Variants in PANK1 observed in about 807,000 individuals in gnomAD.
The protein encoded by PANK1 is pantothenic acid kinase 1.
In PANK1, 18 loss-of-function variants were observed where a neutral mutation model predicts 40.1. The ratio of observed to expected loss-of-function variants is 0.45; its 90% CI spans 0.31 to 0.67. The LOEUF is 0.67. Among genes scored for constraint, PANK1 ranks in the 30% least tolerant of loss-of-function variants. The pLI, the probability that PANK1 is intolerant of heterozygous loss-of-function variation, is 0.06. For synonymous variants in PANK1, 242 were observed against 237.7 expected (o/e 1.02, Z -0.17); for missense variants, 457 against 599.6 (o/e 0.76, Z 2.48).
intron 5 of PANK1, chr10:89,592,764 C>T (rs769058331): frequency 1.9e-6 from 1 of 535,362 alleles, no homozygotes; most frequent in Non-Finnish European, 3.8e-6. Flanking sequence ...TTTGATAGCC[C>T]TGTACAATGC....
At chr10:89,592,623 A>G (rs574527549) in intron 5 of PANK1, 22 of 463,556 alleles carry the variant, frequency 4.7e-5, no homozygotes, top group Non-Finnish European at 9.7e-5. Context: ...TATTTCAGAA[A>G]AGGTTCAATT....
At chr10:89,635,858 A>G (rs951301788) in intron 1 of PANK1, among the ~76,000 whole-genome samples, 1 of 152,250 alleles carries the variant, frequency 6.6e-6, no homozygotes, top group South Asian at 2.1e-4. Flanking sequence ...AGAAAGGGAT[A>G]GTCTTAAGTC....
chr10:89,640,135 TAG>T (rs1841929023), intron 1 of PANK1, among the ~76,000 whole-genome samples: 2 of 152,174 alleles, frequency 1.3e-5, no homozygotes, highest in Non-Finnish European at 2.9e-5. Flanking sequence ...ATCTTTAAAA[TAG>T]AGAGTAGGAG....
At chr10:89,595,318 G>A (rs1844528654) in intron 3 of PANK1, among the ~76,000 whole-genome samples, 2 of 151,894 alleles carry the variant, frequency 1.3e-5, no homozygotes, top group African/African-American at 4.8e-5. Flanking sequence ...AGGTGTGGTG[G>A]CTGACACCTG....
At chr10:89,598,073 AT>A (rs1564621222) in intron 3 of PANK1, among the ~76,000 whole-genome samples, 2 of 152,102 alleles carry the variant, frequency 1.3e-5, no homozygotes, top group African/African-American at 2.4e-5. Context: ...AGGCTCAATA[AT>A]TTTTTGTTAC....
Position 89,635,139 on chromosome 10 carries a change from T to TA in PANK1, c.292+9460dup, listed in dbSNP as rs1342659796. Among the ~76,000 whole-genome samples the TA allele has an allele frequency of 2.7e-5, 4 of 148,556 alleles. No individual in the cohort carries two copies. In the Admixed American group the frequency reaches 2.7e-4, roughly 10 times the overall value. On this transcript the variant is annotated intron_variant, in intron 1 of 6. Transcript: ENST00000307534. Reference sequence around the variant, plus strand: ...TGATCATTTAGCAAATATATATATATATATAGAGAGAGAGAGAGATAAAAT... The same window carrying TA: ...TGATCATTTAGCAAATATATATATATAATATAGAGAGAGAGAGAGATAAAAT...
chr10:89,642,785 C>A (rs1359623), intron 1 of PANK1, among the ~76,000 whole-genome samples: 90,699 of 152,090 alleles, frequency 0.6, 27,926 homozygotes, highest in East Asian at 0.92. Flanking sequence ...TTATTTCAGA[C>A]ATGATTGTTC....
chr10:89,602,646 C>G (rs143126380), intron 2 of PANK1, among the ~76,000 whole-genome samples: 69 of 152,270 alleles, frequency 4.5e-4, no homozygotes, highest in Non-Finnish European at 8.4e-4. Flanking sequence ...GTGAGAAACA[C>G]TCTTTCTCGG....
At chr10:89,630,499 G>T (rs11185821) in intron 1 of PANK1, among the ~76,000 whole-genome samples, 6,461 of 71,060 alleles carry the variant, frequency 0.091, 473 homozygotes, top group East Asian at 0.51. Context: ...CAGTTTTTTT[G>T]TTTTTTTTTT....
intron 1 of PANK1, among the ~76,000 whole-genome samples, chr10:89,617,732 A>G (rs528904767): frequency 6.6e-6 from 1 of 152,372 alleles, no homozygotes; most frequent in Admixed American, 6.5e-5. Context: ...CCATTAATAA[A>G]TAAAGGCATG....
intron 2 of PANK1, 129 bp from the exon 3 acceptor site, chr10:89,599,634 T>A: frequency 1.1e-6 from 1 of 911,406 alleles, no homozygotes; most frequent in Non-Finnish European, 1.7e-6. Context: ...AAACAAGTTG[T>A]AAAATCTTGC....
chr10:89,611,782 C>G lies in PANK1; in HGVS notation c.559G>C (p.Gly187Arg). The G allele has an allele frequency of 6.2e-7, 1 of 1,614,162 alleles. No homozygotes were observed. ...SCAMHRFIQM[G>R]SEKNFSSLHT... The stretch of plus-strand genomic sequence containing the variant: ...AGGCTAGAGAAGTTCTTCTCGCTGC[C>G]CATCTGAATGAACCTGTGCATAGCA... Residue 187 changes from glycine to arginine, a missense_variant, in exon 2 of 7, where the codon GGC becomes CGC. Transcript: ENST00000307534.
In PANK1 at chr10:89,612,034, C is replaced by CA; in HGVS notation, c.306dup (p.Gly103TrpfsTer10). ...ACCAGCGTTCCACCGATGTCCATGCCAAACCATGGGAATGCTAAAGGACAG... is the reference window on the plus strand; with the variant it reads ...ACCAGCGTTCCACCGATGTCCATGCCAAAACCATGGGAATGCTAAAGGACAG... On this transcript the variant is annotated frameshift_variant, in exon 2 of 7. Transcript: ENST00000307534. LOFTEE classifies it high-confidence loss of function. 6.2e-7 allele frequency: 1 copy of CA among 1,612,914 alleles called. No individual in the cohort carries two copies. The highest frequency in any genetic ancestry group is 8.5e-7 in the Non-Finnish European group (1 of 1,179,502).
chr10:89,631,881 T>C (rs1841655132), intron 1 of PANK1, among the ~76,000 whole-genome samples: 1 of 152,196 alleles, frequency 6.6e-6, no homozygotes, highest in Admixed American at 6.5e-5. Flanking sequence ...ACTGAATTTA[T>C]CTAATTGTGC....
intron 6 of PANK1, among the ~76,000 whole-genome samples, chr10:89,584,778 T>C (rs967258049): frequency 3.9e-5 from 6 of 152,202 alleles, no homozygotes; most frequent in Non-Finnish European, 5.9e-5. Flanking sequence ...ATTTCACATA[T>C]GAGAAATGGA....
At chr10:89,637,010 C>A (rs1352415129) in intron 1 of PANK1, among the ~76,000 whole-genome samples, 1 of 150,442 alleles carries the variant, frequency 6.6e-6, no homozygotes, top group African/African-American at 2.5e-5. Context: ...TACAGGCGCC[C>A]GCCACCACGC....
At chr10:89,625,045 TG>T (rs1176194948) in intron 1 of PANK1, among the ~76,000 whole-genome samples, 14 of 152,144 alleles carry the variant, frequency 9.2e-5, no homozygotes, top group Admixed American at 9.2e-4. Flanking sequence ...ACTATAAGTG[TG>T]CACTCTACCA....
chr10:89,609,886 C>T (rs1340342697), intron 2 of PANK1, among the ~76,000 whole-genome samples: 1 of 152,098 alleles, frequency 6.6e-6, no homozygotes, highest in Non-Finnish European at 1.5e-5. Context: ...TATACGTTAC[C>T]CCAGGGGAGA....
chr10:89,642,576 C>T (rs996238526), intron 1 of PANK1, among the ~76,000 whole-genome samples: 1 of 152,192 alleles, frequency 6.6e-6, no homozygotes, highest in African/African-American at 2.4e-5. Context: ...TGTAAATACT[C>T]ACAGAGTACC....
Sources: allele counts gnomAD v4.1 joint callset (sites outside exome capture counted in the v4.1 genomes callset), GRCh38; gene constraint gnomAD v4.1.1; transcripts MANE v1.5; gene names NCBI Gene and HGNC (gene_info 2026-07-23, HGNC 2026-07-21).